The following NPHP4 variants were observed in gnomAD, a reference collection of about 807,000 sequenced individuals.
NPHP4 encodes the protein nephrocystin 4, also known as nephrocystin-4.
In NPHP4, 151 loss-of-function variants were observed where a neutral mutation model predicts 155.8. The ratio of observed to expected loss-of-function variants is 0.97; its 90% CI spans 0.85 to 1.11. The LOEUF (loss-of-function observed/expected upper bound fraction) is 1.11, where lower values mean the gene tolerates loss of function less well. NPHP4 is among the 50% of genes least tolerant of loss of function. The pLI is 0.00. For missense variants in NPHP4, 1,956 were observed against 1,925.7 expected (o/e 1.02, Z -0.29); for synonymous variants, 845 against 816.8 (o/e 1.03, Z -0.59).
In NPHP4 at chr1:5,910,336, A is replaced by G. The variant is rs1044732309; in HGVS notation, c.1442-1123T>C. On this transcript the variant is annotated intron_variant, in intron 11 of 29. Transcript: ENST00000378156. The surrounding 1 kb of genome is among the most constrained non-coding windows in gnomAD (Gnocchi z 5.4). Reference sequence around the variant, plus strand: ...GACAGGACTCTCCACTGCAGCAGACACTACCACTCCCCATCGGACTTCCAG... The same window carrying G: ...GACAGGACTCTCCACTGCAGCAGACGCTACCACTCCCCATCGGACTTCCAG... Among the ~76,000 whole-genome samples the G allele has an allele frequency of 2.0e-5, 3 of 152,098 alleles. No homozygotes were observed. The highest frequency in any genetic ancestry group is 4.8e-5 in the African/African-American group (2 of 41,420).
intron 9 of NPHP4, among the ~76,000 whole-genome samples, chr1:5,940,186 G>A (rs747885217): frequency 5.7e-4 from 87 of 152,158 alleles, no homozygotes; most frequent in Non-Finnish European, 1.8e-4. Flanking sequence ...ATGAGAGGTG[G>A]TGAGGCCATG....
At chr1:5,922,065 T>A (rs1356522678) in intron 11 of NPHP4, among the ~76,000 whole-genome samples, 2 of 152,212 alleles carry the variant, frequency 1.3e-5, no homozygotes, top group African/African-American at 4.8e-5. Context: ...CTCACAATAG[T>A]CTTTGTAAGT....
intron 26 of NPHP4, chr1:5,865,820 T>C: frequency 6.0e-6 from 1 of 166,294 alleles, no homozygotes; most frequent in East Asian, 1.7e-4. Context: ...GGCCCCTCTG[T>C]GGTGGGCACT....
intron 7 of NPHP4, among the ~76,000 whole-genome samples, chr1:5,949,662 T>C (rs946112359): frequency 1.3e-5 from 2 of 151,740 alleles, no homozygotes; most frequent in African/African-American, 4.8e-5. Context: ...GAGGACCCCG[T>C]CCAGACCTGA....
At chr1:5,968,845 C>T (rs1652011275) in intron 4 of NPHP4, among the ~76,000 whole-genome samples, 1 of 151,940 alleles carries the variant, frequency 6.6e-6, no homozygotes, top group African/African-American at 2.4e-5. Flanking sequence ...ACTAGCCTGG[C>T]CAACATGGCA....
At chr1:5,966,587 T>C (rs1158189888) in intron 5 of NPHP4, among the ~76,000 whole-genome samples, 1 of 151,962 alleles carries the variant, frequency 6.6e-6, no homozygotes, top group Non-Finnish European at 1.5e-5. Flanking sequence ...ACACATGACA[T>C]CCCCTTCGAG....
intron 6 of NPHP4, 47 bp downstream of exon 6, chr1:5,961,747 A>C (rs1406413877): frequency 2.5e-6 from 4 of 1,577,156 alleles, no homozygotes; most frequent in South Asian, 1.1e-5. Flanking sequence ...ACTGTGAACT[A>C]GGACAGACTC....
chr1:5,979,470 G>A (rs902900254), intron 2 of NPHP4, among the ~76,000 whole-genome samples: 11 of 152,188 alleles, frequency 7.2e-5, no homozygotes, highest in Non-Finnish European at 1.3e-4. Flanking sequence ...GGTCCTGAGA[G>A]GAAGAGAGCA....
chr1:5,923,690 A>G lies in NPHP4; in HGVS notation c.1441+3959T>C, dbSNP rs575350943. On this transcript the variant is annotated intron_variant, in intron 11 of 29. Transcript: ENST00000378156. ...GGGGCACCTGTCATCTCAGTGAGGA[A>G]TAATCAGCCCTAGATGAAATGCTGA... 2.0e-3 allele frequency among the ~76,000 whole-genome samples: 301 copies of G among 152,364 alleles called. 1 individual carries two copies. The highest frequency in any genetic ancestry group is 3.8e-3 in the Non-Finnish European group (257 of 68,032).
intron 2 of NPHP4, among the ~76,000 whole-genome samples, chr1:5,983,530 TGAGA>T: frequency 6.6e-6 from 1 of 152,354 alleles, no homozygotes; most frequent in African/African-American, 2.4e-5. Flanking sequence ...GTGACTCAAC[TGAGA>T]GAGGACTCTT....
rs1557578949 is a variant in NPHP4, at chr1:5,864,040, A to T, written c.3997-7T>A. The T allele has an allele frequency of 6.2e-7, 1 of 1,612,566 alleles. No homozygotes were observed. On this transcript the variant is annotated splice_region_variant and splice_polypyrimidine_tract_variant and intron_variant, in intron 28 of 29. Coordinates refer to ENST00000378156, the MANE Select transcript of NPHP4 (RefSeq NM_015102.5). ...CCAACATGATCTCAAAGGCCTGTGG[A>T]GGGAGGGGACAGGGAGACGCTGCGG... is the stretch of plus-strand genomic sequence containing the variant.
At chr1:5,982,269 C>A (rs1207128438) in intron 2 of NPHP4, among the ~76,000 whole-genome samples, 1 of 151,956 alleles carries the variant, frequency 6.6e-6, no homozygotes, top group East Asian at 1.9e-4. Context: ...TATGACTGGC[C>A]CCTTAAGATT....
Position 5,890,575 on chromosome 1 carries a change from G to A in NPHP4, c.2304+293C>T, listed in dbSNP as rs1644070231. Among the ~76,000 whole-genome samples the A allele has an allele frequency of 6.6e-6, 1 of 152,144 alleles. No individual in the cohort carries two copies. The highest frequency in any genetic ancestry group is 6.5e-5 in the Admixed American group (1 of 15,274). ...CCTCACCACATTCACCACATGGGAG[G>A]AGATGAAGTGACACTGCCTGGTAGG... On this transcript the variant is annotated intron_variant, in intron 17 of 29. Transcript: ENST00000378156. The surrounding 1 kb of genome is among the most constrained non-coding windows in gnomAD (Gnocchi z 4.9).
intron 9 of NPHP4, among the ~76,000 whole-genome samples, chr1:5,942,742 T>C (rs926411455): frequency 5.3e-5 from 8 of 152,030 alleles, no homozygotes; most frequent in African/African-American, 1.2e-4. Flanking sequence ...CCCTGGAACA[T>C]GGGCCATTGA....
intron 9 of NPHP4, among the ~76,000 whole-genome samples, chr1:5,941,050 C>A (rs1364185815): frequency 6.6e-6 from 1 of 152,066 alleles, no homozygotes; most frequent in Non-Finnish European, 1.5e-5. Context: ...CTAAAACACA[C>A]AACAGAGCCT....
At chr1:5,967,991 G>A (rs910123156) in intron 4 of NPHP4, among the ~76,000 whole-genome samples, 10 of 151,972 alleles carry the variant, frequency 6.6e-5, no homozygotes, top group African/African-American at 2.4e-4. Flanking sequence ...CGTATGCCCG[G>A]CTCCTACACA....
intron 23 of NPHP4, among the ~76,000 whole-genome samples, chr1:5,871,809 G>A (rs1379774734): frequency 3.9e-5 from 6 of 152,328 alleles, no homozygotes; most frequent in African/African-American, 7.2e-5. Flanking sequence ...AGAAAGGCCC[G>A]TGGTTACAGC....
intron 10 of NPHP4, among the ~76,000 whole-genome samples, chr1:5,931,733 CAAAAAAAAAAAA>C (rs60217132): frequency 2.5e-5 from 2 of 79,312 alleles, no homozygotes; most frequent in East Asian, 4.6e-4. Flanking sequence ...GACTTCATCT[CAAAAAAAAAAAA>C]AAAAAAAAAA....
intron 11 of NPHP4, among the ~76,000 whole-genome samples, chr1:5,912,660 T>C (rs1645250515): frequency 6.6e-6 from 1 of 152,190 alleles, no homozygotes; most frequent in South Asian, 2.1e-4. Context: ...CGCGTATTCC[T>C]ACATTGCCCA....
Sources: allele counts gnomAD v4.1 joint callset (sites outside exome capture counted in the v4.1 genomes callset), GRCh38; gene constraint gnomAD v4.1.1; non-coding constraint Gnocchi (gnomAD v3.1); transcripts MANE v1.5; gene names NCBI Gene and HGNC (gene_info 2026-07-23, HGNC 2026-07-21).